The following ZMYM2 variants were observed in gnomAD, a reference collection of about 807,000 sequenced individuals.
ZMYM2 encodes the protein zinc finger MYM-type protein 2.
In ZMYM2, 56 loss-of-function variants were observed where a neutral mutation model predicts 162.8. That is an observed-to-expected ratio of 0.34 (90% CI 0.28 to 0.43). ZMYM2 has a LOEUF of 0.43. ZMYM2 is among the 20% of genes least tolerant of loss of function. The probability of loss-of-function intolerance (pLI) is 1.00; values close to 1 mark genes in which losing one functional copy is unlikely to be tolerated. For synonymous variants in ZMYM2, 510 were observed against 541.6 expected (o/e 0.94, Z 0.81); for missense variants, 1,275 against 1,621.8 (o/e 0.79, Z 3.67).
At chr13:19,877,231 AAG>A in the ZMYM2 span, among the ~76,000 whole-genome samples, 1 of 151,376 alleles carries the variant, frequency 6.6e-6, no homozygotes, top group African/African-American at 2.4e-5. Context: ...AAAAAAAACA[AAG>A]AAGTTTATTT....
At chr13:19,987,457 G>A (rs1949251448) in intron 2 of ZMYM2, among the ~76,000 whole-genome samples, 2 of 151,988 alleles carry the variant, frequency 1.3e-5, no homozygotes, top group African/African-American at 4.8e-5. Context: ...TAGAGATGGG[G>A]TTTCACTGTT....
At chr13:19,880,489 C>T in the ZMYM2 span, among the ~76,000 whole-genome samples, 2 of 151,940 alleles carry the variant, frequency 1.3e-5, no homozygotes, top group African/African-American at 2.4e-5. Flanking sequence ...AGTGCAGTGC[C>T]GCGATCTCGG....
At chr13:19,935,752 TCTC>T in the ZMYM2 span, among the ~76,000 whole-genome samples, 1 of 152,114 alleles carries the variant, frequency 6.6e-6, no homozygotes, top group Non-Finnish European at 1.5e-5. Flanking sequence ...TTCAAACAGT[TCTC>T]CTGCCTTTTC....
chr13:20,083,801 T>C, intron 24 of ZMYM2, 25 bp downstream of exon 24: 1 of 1,587,832 alleles, frequency 6.3e-7, no homozygotes, highest in Non-Finnish European at 8.6e-7. Context: ...TACTTAACTT[T>C]TAAAAATGTT....
At chr13:19,900,877 C>T in the ZMYM2 span, among the ~76,000 whole-genome samples, 3 of 152,190 alleles carry the variant, frequency 2.0e-5, no homozygotes, top group East Asian at 5.8e-4. Context: ...ACTAAAAATA[C>T]AAAAAATTGT....
At chr13:20,024,816 T>C (rs1952433679) in intron 7 of ZMYM2, 1 of 215,372 alleles carries the variant, frequency 4.6e-6, no homozygotes, top group African/African-American at 2.2e-5. Context: ...TTGACAAATA[T>C]TTTTGAAGGA....
intron 24 of ZMYM2, among the ~76,000 whole-genome samples, chr13:20,085,065 A>G (rs1006408418): frequency 6.6e-6 from 1 of 152,196 alleles, no homozygotes; most frequent in Non-Finnish European, 1.5e-5. Context: ...CACCTTATAC[A>G]TGTAGCCTGA....
At chr13:19,967,161 T>C (rs1353566189) in intron 2 of ZMYM2, among the ~76,000 whole-genome samples, 1 of 152,192 alleles carries the variant, frequency 6.6e-6, no homozygotes, top group Non-Finnish European at 1.5e-5. Flanking sequence ...CTAACTCCTT[T>C]TGCTTTTTTT....
rs375258435 is a variant in ZMYM2, at chr13:20,037,489, C to T, written c.2292+580C>T. ...CCTCAGCCCCAAAGTGCTGAGATTA[C>T]AGGCGTGAGCCACCAATGCCCAGCT... On this transcript the variant is annotated intron_variant, in intron 12 of 24. Coordinates refer to ENST00000610343, the MANE Select transcript of ZMYM2 (RefSeq NM_197968.4). 2.0e-5 allele frequency among the ~76,000 whole-genome samples: 3 copies of T among 152,106 alleles called. No homozygotes were observed. In the East Asian group the frequency reaches 5.8e-4, roughly 29 times the overall value.
At chr13:19,928,233 T>C in the ZMYM2 span, among the ~76,000 whole-genome samples, 73 of 152,212 alleles carry the variant, frequency 4.8e-4, no homozygotes, top group Non-Finnish European at 8.4e-4. Flanking sequence ...CCTCCAACTC[T>C]TGGCTCAAGC....
the ZMYM2 span, among the ~76,000 whole-genome samples, chr13:19,914,872 C>T: frequency 0.011 from 1,718 of 152,094 alleles, 30 homozygotes; most frequent in African/African-American, 0.033. Context: ...ATCTAAGTGG[C>T]GATACTTTCC....
the ZMYM2 span, among the ~76,000 whole-genome samples, chr13:19,923,356 CAAAAAAAAA>C: frequency 7.4e-3 from 427 of 57,378 alleles, 5 homozygotes; most frequent in African/African-American, 0.03. Flanking sequence ...GACTCCGTCG[CAAAAAAAAA>C]AAAAAAAAAA....
At chr13:19,886,809 C>A in the ZMYM2 span, among the ~76,000 whole-genome samples, 1 of 151,578 alleles carries the variant, frequency 6.6e-6, no homozygotes, top group African/African-American at 2.4e-5. Context: ...ACCACCATGC[C>A]CGGTTAATTT....
chr13:20,020,703 G>A (rs1952008745), intron 7 of ZMYM2, among the ~76,000 whole-genome samples: 1 of 151,814 alleles, frequency 6.6e-6, no homozygotes, highest in South Asian at 2.1e-4. Context: ...ATTGTGGTTT[G>A]TATTTGTATT....
rs1957754259 is a variant in ZMYM2, at chr13:20,079,345, G to GAAAAAAAAAAA, written c.3454-2670_3454-2669insAAAAAAAAAAA. 2.6e-4 allele frequency among the ~76,000 whole-genome samples: 5 copies of GAAAAAAAAAAA among 19,132 alleles called. 1 individual carries two copies. The highest frequency in any genetic ancestry group is 5.8e-4 in the Non-Finnish European group (5 of 8,566). The allele number at this position is 19,132 out of a possible 152,430, so 12.6% of individuals were successfully genotyped here. A position where few individuals can be genotyped will look rare whatever the true frequency, so the allele number is the denominator to read the frequency against. On this transcript the variant is annotated intron_variant, in intron 21 of 24. Transcript: ENST00000610343. The stretch of plus-strand genomic sequence containing the variant: ...AAAAAAAAAAAAAAAAAAAAAAAAG[G>GAAAAAAAAAAA]ATACTTAATGAATTCAAATCCCATA...
chr13:19,885,921 A>ATATGTG, the ZMYM2 span, among the ~76,000 whole-genome samples: 1 of 45,846 alleles, frequency 2.2e-5, no homozygotes, highest in Admixed American at 2.3e-4. Flanking sequence ...ATATACACAT[A>ATATGTG]TATATGTGTA....
chr13:20,028,823 T>A (rs539386072), intron 9 of ZMYM2, among the ~76,000 whole-genome samples: 18 of 151,844 alleles, frequency 1.2e-4, no homozygotes, highest in African/African-American at 3.1e-4. Flanking sequence ...TTTTTTTTTT[T>A]AATTTTTGAT....
Position 20,034,157 on chromosome 13 carries a change from A to C in ZMYM2, c.1969-97A>C. 1.1e-5 allele frequency: 12 copies of C among 1,128,742 alleles called. No individual in the cohort carries two copies. The South Asian group carries it at 3.1e-4, about 29-fold the overall frequency. The allele number at this position is 1,128,742 out of a possible 1,614,324, so 69.9% of individuals were successfully genotyped here. ...TCTATCCCCAAGGGTCTTAACATTA[A>C]ATAGGTAAATGATTTAACTTTGCTT... On this transcript the variant is annotated intron_variant, in intron 10 of 24. Coordinates refer to ENST00000610343, the MANE Select transcript of ZMYM2 (RefSeq NM_197968.4).
intron 12 of ZMYM2, among the ~76,000 whole-genome samples, chr13:20,040,503 AGTCT>A (rs1378751796): frequency 2.0e-5 from 3 of 151,860 alleles, no homozygotes; most frequent in Admixed American, 6.6e-5. Flanking sequence ...TCTAGCTAGC[AGTCT>A]GTCTATTAAT....
Sources: allele counts gnomAD v4.1 joint callset (sites outside exome capture counted in the v4.1 genomes callset), GRCh38; gene constraint gnomAD v4.1.1; transcripts MANE v1.5; gene names NCBI Gene and HGNC (gene_info 2026-07-23, HGNC 2026-07-21).